The following PRR14L variants were observed in gnomAD, a reference collection of about 807,000 sequenced individuals.
PRR14L encodes proline rich 14 like.
Under a neutral mutation model 155.0 loss-of-function variants are expected in PRR14L, and 80 were observed. That is an observed-to-expected ratio of 0.52 (90% CI 0.43 to 0.62). The LOEUF is 0.62. Ranked by LOEUF, PRR14L falls within the 20% of genes least tolerant of loss-of-function variation. The probability of loss-of-function intolerance (pLI) is 0.00; values close to 1 mark genes in which losing one functional copy is unlikely to be tolerated. For missense variants in PRR14L, 2,469 were observed against 2,548.0 expected (o/e 0.97, Z 0.67); for synonymous variants, 883 against 916.0 (o/e 0.96, Z 0.65).
intron 3 of PRR14L, among the ~76,000 whole-genome samples, chr22:31,718,447 A>G (rs907854048): frequency 2.0e-5 from 3 of 151,168 alleles, no homozygotes; most frequent in Non-Finnish European, 4.4e-5. Flanking sequence ...TTTAGTACAG[A>G]CAGGGTTTCA....
At chr22:31,711,419 C>G (rs752782092) in intron 4 of PRR14L, among the ~76,000 whole-genome samples, 1 of 151,844 alleles carries the variant, frequency 6.6e-6, no homozygotes, top group African/African-American at 2.4e-5. Context: ...TGTGGTCAGC[C>G]GAGATTGCGC....
chr22:31,745,480 C>T (rs1023702396), intron 1 of PRR14L, among the ~76,000 whole-genome samples: 2 of 152,116 alleles, frequency 1.3e-5, no homozygotes, highest in Non-Finnish European at 1.5e-5. Flanking sequence ...TGACAGAACC[C>T]GATTTTGAGA....
intron 3 of PRR14L, among the ~76,000 whole-genome samples, chr22:31,721,137 A>T (rs1457835871): frequency 2.0e-5 from 3 of 152,090 alleles, no homozygotes; most frequent in Admixed American, 2.0e-4. Context: ...AACCAGCAAG[A>T]GTGCCTGATG....
chr22:31,699,991 T>C (rs753177530), intron 7 of PRR14L, among the ~76,000 whole-genome samples: 5 of 152,142 alleles, frequency 3.3e-5, no homozygotes, highest in Non-Finnish European at 7.4e-5. Flanking sequence ...TATATTGGAA[T>C]GAATAAGGTA....
intron 4 of PRR14L, among the ~76,000 whole-genome samples, chr22:31,707,617 C>A (rs1339641705): frequency 6.6e-6 from 1 of 152,018 alleles, no homozygotes; most frequent in Admixed American, 6.6e-5. Flanking sequence ...AATTTCCTGA[C>A]CTTGTGATCC....
At chr22:31,726,284 C>T (rs1158116222) in intron 2 of PRR14L, among the ~76,000 whole-genome samples, 2 of 152,132 alleles carry the variant, frequency 1.3e-5, no homozygotes, top group East Asian at 1.9e-4. Flanking sequence ...GCGCCCACCA[C>T]TATGCCTAGC....
chr22:31,691,154 A>AATAT (rs1438758226), intron 7 of PRR14L, among the ~76,000 whole-genome samples: 1 of 150,444 alleles, frequency 6.6e-6, no homozygotes, highest in Admixed American at 6.7e-5. Flanking sequence ...TTTAGTAGAG[A>AATAT]CAGGGTTTCA....
In PRR14L at chr22:31,685,026, A is replaced by AC. The variant is rs1458548148; in HGVS notation, c.*500dup. 6.3e-6 allele frequency: 1 copy of AC among 158,988 alleles called. No homozygotes were observed. Among genetic ancestry groups the AC allele is most frequent in the Non-Finnish European group, 1.4e-5 (1 of 71,940 alleles). The allele number at this position is 158,988 out of a possible 1,614,324, so 9.8% of individuals were successfully genotyped here. A position where few individuals can be genotyped will look rare whatever the true frequency, so the allele number is the denominator to read the frequency against. ...CTGGGCAGACAAAAGATAAGAAAAC[A>AC]CAACAGCTCATCTTTCCTCAACTAC... On this transcript the variant is annotated 3_prime_UTR_variant, in exon 9 of 9. Transcript: ENST00000327423.
At chr22:31,697,014 C>A (rs1190782665) in intron 7 of PRR14L, among the ~76,000 whole-genome samples, 1 of 152,150 alleles carries the variant, frequency 6.6e-6, no homozygotes, top group Admixed American at 6.6e-5. Flanking sequence ...ACGCGGGGGG[C>A]TGAGGCAGGA....
rs762203138 is a variant in PRR14L, at chr22:31,701,653, C to T, written c.6107+3G>A. ...CCTAGCTTGTAACAGAGAAGGAGCT[C>T]ACCTTTTGGGTCGAGGAAGGCCCAT... On this transcript the variant is annotated splice_donor_region_variant and intron_variant, in intron 7 of 8. Transcript: ENST00000327423. The T allele has an allele frequency of 1.3e-6, 2 of 1,590,588 alleles. No individual in the cohort carries two copies. The highest frequency in any genetic ancestry group is 1.7e-6 in the Non-Finnish European group (2 of 1,167,970).
At chr22:31,729,856 C>T (rs552225801) in intron 2 of PRR14L, among the ~76,000 whole-genome samples, 5 of 152,110 alleles carry the variant, frequency 3.3e-5, no homozygotes, top group East Asian at 1.9e-4. Context: ...CACAACACTA[C>T]GAATGTGCTT....
In PRR14L at chr22:31,712,334, C is replaced by A. The variant is rs1274875118; in HGVS notation, c.5505G>T (p.Trp1835Cys). ...ALCSPGCYRI[W>C]TKKRSFSSHM... Reference sequence around the variant, plus strand: ...GGCTGGAGAAGCTCCGTTTTTTTGTCCAGATTCGGTAACATCCTGGGGAAC... The same window carrying A: ...GGCTGGAGAAGCTCCGTTTTTTTGTACAGATTCGGTAACATCCTGGGGAAC... The change falls in exon 4 of 9, where the codon TGG (tryptophan) becomes TGT (cysteine). Residue 1835 changes from tryptophan (W) to cysteine (C), a missense_variant. Coordinates refer to ENST00000327423, the MANE Select transcript of PRR14L (RefSeq NM_173566.3). 3 of 1,613,692 alleles carry A rather than the reference C, an allele frequency of 1.9e-6. No individual in the cohort carries two copies. In the South Asian group the frequency reaches 3.3e-5, roughly 18 times the overall value.
intron 1 of PRR14L, among the ~76,000 whole-genome samples, chr22:31,740,826 A>G (rs1220237115): frequency 6.6e-6 from 1 of 152,180 alleles, no homozygotes; most frequent in Admixed American, 6.5e-5. Flanking sequence ...GTAACACAGA[A>G]AGGCGAATTA....
Position 31,715,502 on chromosome 22 carries a change from GCTGTGACATT to G in PRR14L, c.2327_2336del (p.Glu776AlafsTer13). On this transcript the variant is annotated frameshift_variant, in exon 4 of 9. Coordinates refer to ENST00000327423, the MANE Select transcript of PRR14L (RefSeq NM_173566.3). LOFTEE classifies it high-confidence loss of function. ...AGCTAGAGATATCCTGAGATTGAAC[GCTGTGACATT>G]CTATGACAGAGACCACTTGAGGAAA... 1 of 1,552,202 alleles carries G rather than the reference GCTGTGACATT, an allele frequency of 6.4e-7. No individual in the cohort carries two copies. Among genetic ancestry groups the G allele is most frequent in the Non-Finnish European group, 8.7e-7 (1 of 1,147,056 alleles).
At chr22:31,690,386 T>C (rs1231238684) in intron 7 of PRR14L, among the ~76,000 whole-genome samples, 2 of 150,130 alleles carry the variant, frequency 1.3e-5, no homozygotes, top group African/African-American at 4.9e-5. Flanking sequence ...GGTTTCACCA[T>C]GTTGGCCAGG....
intron 3 of PRR14L, among the ~76,000 whole-genome samples, chr22:31,723,703 A>T (rs1480129511): frequency 2.0e-5 from 3 of 152,248 alleles, no homozygotes; most frequent in African/African-American, 7.2e-5. Flanking sequence ...CACAGAAGAA[A>T]TCTGCAGCAG....
Position 31,716,891 on chromosome 22 carries a change from A to G in PRR14L, c.948T>C (p.His316=). The change falls in exon 4 of 9, where the codon CAT becomes CAC. Residue 316 remains histidine, a synonymous_variant. Transcript: ENST00000327423. The stretch of plus-strand genomic sequence containing the variant: ...AACTGGGTTGTTCATTATGGTGGCC[A>G]TGAAGCTGTTGGTGATTGTCATCTG... The part of the protein sequence containing the change: ...CEADDNHQQL[H]GHHNEQPSST... 6.4e-7 allele frequency: 1 copy of G among 1,552,060 alleles called. No individual in the cohort carries two copies. Among genetic ancestry groups the G allele is most frequent in the Non-Finnish European group, 8.7e-7 (1 of 1,147,068 alleles).
intron 7 of PRR14L, among the ~76,000 whole-genome samples, chr22:31,692,696 C>G (rs1418092794): frequency 1.3e-5 from 2 of 152,160 alleles, no homozygotes; most frequent in African/African-American, 4.8e-5. Flanking sequence ...AACTGGAGAT[C>G]AGTGGTTTGA....
At position 31,683,438 on chromosome 22, in the gene PRR14L, T is replaced by G. The variant is rs920766830; in HGVS notation, c.*2089A>C. On this transcript the variant is annotated 3_prime_UTR_variant, in exon 9 of 9. Coordinates refer to ENST00000327423, the MANE Select transcript of PRR14L (RefSeq NM_173566.3). ...AAATGTACTACTCATCCCACTCCCT[T>G]AAGCAAAAAAGTCAGAGAGAAGCAT... is the stretch of plus-strand genomic sequence containing the variant. The G allele has an allele frequency of 1.3e-5, 2 of 152,144 alleles. No individual in the cohort carries two copies. Among genetic ancestry groups the G allele is most frequent in the Non-Finnish European group, 2.9e-5 (2 of 68,062 alleles). 9.4% of individuals were successfully genotyped at this position (152,144 alleles called of 1,614,324 possible).
Sources: gnomAD v4.1 joint callset for allele counts (sites outside exome capture counted in the v4.1 genomes callset) on GRCh38, gnomAD v4.1.1 for gene constraint, MANE v1.5 for transcripts, NCBI Gene and HGNC (gene_info 2026-07-23, HGNC 2026-07-21) for gene names.